The following MAGI1 variants were observed in gnomAD, a reference collection of about 807,000 sequenced individuals.
MAGI1 encodes the protein membrane associated guanylate kinase, WW and PDZ domain containing 1, also known as membrane-associated guanylate kinase, WW and PDZ domain-containing protein 1.
A neutral mutation model predicts 139.9 loss-of-function variants in MAGI1; 58 were observed. That is an observed-to-expected ratio of 0.41 (90% CI 0.34 to 0.52). The LOEUF (loss-of-function observed/expected upper bound fraction) is 0.52, where lower values mean the gene tolerates loss of function less well. Among genes scored for constraint, MAGI1 ranks in the 20% least tolerant of loss-of-function variants. The pLI, the probability that MAGI1 is intolerant of heterozygous loss-of-function variation, is 0.12. For synonymous variants in MAGI1, 812 were observed against 737.9 expected (o/e 1.10, Z -1.63); for missense variants, 1,874 against 1,901.6 (o/e 0.99, Z 0.27).
chr3:65,392,224 T>C (rs1943982577), intron 13 of MAGI1, among the ~76,000 whole-genome samples: 1 of 152,200 alleles, frequency 6.6e-6, no homozygotes, highest in Admixed American at 6.5e-5. Context: ...TACAAAAAGC[T>C]CTGTTAGAAT....
chr3:65,912,283 G>C (rs1046412629), intron 1 of MAGI1, among the ~76,000 whole-genome samples: 2 of 150,460 alleles, frequency 1.3e-5, no homozygotes, highest in Non-Finnish European at 3.0e-5. Context: ...TACACATCGT[G>C]TTCTCGCACT....
intron 1 of MAGI1, among the ~76,000 whole-genome samples, chr3:65,879,479 T>C (rs1392142376): frequency 6.6e-6 from 1 of 152,126 alleles, no homozygotes; most frequent in South Asian, 2.1e-4. Flanking sequence ...GGAATAAATG[T>C]TACCTAGGAG....
At chr3:65,516,560 C>A (rs1019617635) in intron 2 of MAGI1, among the ~76,000 whole-genome samples, 1 of 152,030 alleles carries the variant, frequency 6.6e-6, no homozygotes, top group African/African-American at 2.4e-5. Context: ...ATATCACTAT[C>A]ACCACAACAG....
chr3:65,413,947 G>A (rs964936071), intron 12 of MAGI1, among the ~76,000 whole-genome samples: 1 of 152,188 alleles, frequency 6.6e-6, no homozygotes, highest in Non-Finnish European at 1.5e-5. Flanking sequence ...GCAGGGAAGA[G>A]TAAGTACAAT....
chr3:65,570,573 C>A (rs560782801), intron 2 of MAGI1, among the ~76,000 whole-genome samples: 23 of 152,216 alleles, frequency 1.5e-4, no homozygotes, highest in African/African-American at 4.8e-4. Context: ...AGATTGAACA[C>A]ATGGAAATGT....
intron 2 of MAGI1, among the ~76,000 whole-genome samples, chr3:65,520,391 T>G (rs1415922773): frequency 6.6e-6 from 1 of 152,152 alleles, no homozygotes; most frequent in African/African-American, 2.4e-5. Context: ...AAACTTATAT[T>G]TGAACACAGT....
At chr3:65,652,304 C>G (rs1387762343) in intron 1 of MAGI1, among the ~76,000 whole-genome samples, 1 of 152,070 alleles carries the variant, frequency 6.6e-6, no homozygotes, top group Admixed American at 6.6e-5. Context: ...TTCAAAGTGA[C>G]TAACGGGGAG....
chr3:65,691,302 C>CAAAA (rs752329892), intron 1 of MAGI1, among the ~76,000 whole-genome samples: 9 of 74,706 alleles, frequency 1.2e-4, no homozygotes, highest in African/African-American at 2.3e-4. Context: ...GACTCCGTCT[C>CAAAA]AAAAAAAAAA....
At chr3:65,528,371 CTTCA>C (rs900069076) in intron 2 of MAGI1, among the ~76,000 whole-genome samples, 18 of 152,156 alleles carry the variant, frequency 1.2e-4, no homozygotes, top group African/African-American at 4.3e-4. Flanking sequence ...AGCCGAAGTC[CTTCA>C]TTCATTCATG....
At chr3:65,831,852 C>G (rs2042547444) in intron 1 of MAGI1, among the ~76,000 whole-genome samples, 1 of 152,198 alleles carries the variant, frequency 6.6e-6, no homozygotes, top group South Asian at 2.1e-4. Flanking sequence ...AAAGGCAAAT[C>G]TGAAATGTGT....
At chr3:65,913,102 A>G (rs1172461622) in intron 1 of MAGI1, among the ~76,000 whole-genome samples, 2 of 152,022 alleles carry the variant, frequency 1.3e-5, no homozygotes, top group Non-Finnish European at 2.9e-5. Flanking sequence ...TGAAAACCCT[A>G]CTACAAAAAT....
intron 2 of MAGI1, among the ~76,000 whole-genome samples, chr3:65,534,074 T>C (rs550430127): frequency 1.3e-5 from 2 of 152,204 alleles, no homozygotes; most frequent in Non-Finnish European, 2.9e-5. Flanking sequence ...AGCCAGATTA[T>C]GGATTCCTGT....
At chr3:65,972,542 C>T (rs1423669252) in intron 1 of MAGI1, among the ~76,000 whole-genome samples, 3 of 152,190 alleles carry the variant, frequency 2.0e-5, no homozygotes, top group African/African-American at 7.2e-5. Flanking sequence ...ATGATCTTTA[C>T]TCGGCCAGAG....
Position 65,439,926 on chromosome 3 carries a change from T to C in MAGI1, c.1223A>G (p.Gln408Arg), listed in dbSNP as rs1948148517. 6.8e-6 allele frequency: 11 copies of C among 1,611,126 alleles called. No homozygotes were observed. The highest frequency in any genetic ancestry group is 2.2e-5 in the East Asian group (1 of 44,794). The change falls in exon 9 of 23, where the codon CAG becomes CGG. Residue 408 changes from glutamine to arginine, a missense_variant. By Grantham distance (43) the Gln-to-Arg change is conservative (BLOSUM62 1). Transcript: ENST00000402939. Reference sequence around the variant, plus strand: ...CTGCTGCTGCTGCTGTTGCTGCTGCTGTTGCTGCTGCTGCTGCTGCTCAAG... The same window carrying C: ...CTGCTGCTGCTGCTGTTGCTGCTGCCGTTGCTGCTGCTGCTGCTGCTCAAG... ...KQLEQQQQQQ[Q>R]QQQQQQQQQQ... is the part of the protein sequence containing the mutation.
chr3:65,617,734 C>A (rs1355030620), intron 2 of MAGI1, among the ~76,000 whole-genome samples: 1 of 152,042 alleles, frequency 6.6e-6, no homozygotes. Flanking sequence ...CAAAGCAATT[C>A]TGCTGTTTTT....
chr3:65,945,099 C>T (rs2063491459), intron 1 of MAGI1, among the ~76,000 whole-genome samples: 1 of 152,096 alleles, frequency 6.6e-6, no homozygotes, highest in Non-Finnish European at 1.5e-5. Flanking sequence ...TCTGGGAGCA[C>T]CAATGGATCT....
At chr3:65,744,579 AAAG>A (rs1171195643) in intron 1 of MAGI1, among the ~76,000 whole-genome samples, 1 of 152,224 alleles carries the variant, frequency 6.6e-6, no homozygotes, top group African/African-American at 2.4e-5. Flanking sequence ...CATGCTTAAG[AAAG>A]AAGACTGAAT....
Position 65,717,266 on chromosome 3 carries a change from G to C in MAGI1, c.314-95178C>G, listed in dbSNP as rs149650714. Among the ~76,000 whole-genome samples, 343 of 152,258 alleles carry C rather than the reference G, an allele frequency of 2.3e-3. 2 individuals are homozygous for C. Among genetic ancestry groups the C allele is most frequent in the Non-Finnish European group, 3.8e-3 (260 of 68,030 alleles). On this transcript the variant is annotated intron_variant, in intron 1 of 22. Transcript: ENST00000402939. ...GACTCAACCAGTGGTTCTCAACTGGGAACAGTTTTGTCCCTTAGGAAACAT... is the reference window on the plus strand; with the variant it reads ...GACTCAACCAGTGGTTCTCAACTGGCAACAGTTTTGTCCCTTAGGAAACAT...
At chr3:65,687,612 G>A (rs1293654540) in intron 1 of MAGI1, 1 of 413,004 alleles carries the variant, frequency 2.4e-6, no homozygotes, top group Admixed American at 3.1e-5. Flanking sequence ...TTGGATAGGT[G>A]GGATCCTATA....
Sources: gnomAD v4.1 joint callset for allele counts (sites outside exome capture counted in the v4.1 genomes callset) on GRCh38, gnomAD v4.1.1 for gene constraint, MANE v1.5 for transcripts, NCBI Gene and HGNC (gene_info 2026-07-23, HGNC 2026-07-21) for gene names.